Variants in TCEA3 observed in about 807,000 individuals in gnomAD.
TCEA3 encodes transcription elongation factor A3.
Under a neutral mutation model 44.0 loss-of-function variants are expected in TCEA3, and 36 were observed. The ratio of observed to expected loss-of-function variants is 0.82; its 90% confidence interval spans 0.63 to 1.08. The LOEUF is 1.08. Ranked by LOEUF, TCEA3 falls within the 50% of genes least tolerant of loss-of-function variation. The pLI is 0.00. For missense variants in TCEA3, 392 were observed against 441.2 expected, an observed-to-expected ratio of 0.89 and a Z score of 1.00; for synonymous variants, 162 against 159.7, an observed-to-expected ratio of 1.01 and a Z score of -0.11.
chr1:23,417,881 A>G (rs368454305), intron 3 of TCEA3, 23 bp downstream of exon 3: 117 of 1,611,118 alleles, frequency 7.3e-5, no homozygotes, highest in Non-Finnish European at 9.6e-5. Context: ...AACAGGGCTC[A>G]AGACAACCTT....
intron 4 of TCEA3, among the ~76,000 whole-genome samples, chr1:23,409,624 T>C (rs1639653582): frequency 6.6e-6 from 1 of 152,102 alleles, no homozygotes; most frequent in Admixed American, 6.5e-5. Context: ...GGCGGCTCAC[T>C]GCGACCTCCA....
chr1:23,424,169 C>T (rs1451346771), intron 1 of TCEA3, among the ~76,000 whole-genome samples: 1 of 151,852 alleles, frequency 6.6e-6, no homozygotes, highest in African/African-American at 2.4e-5. Context: ...GCCCCCCGCC[C>T]CGCCCCCGCC....
At chr1:23,419,407 C>A (rs761223828) in intron 1 of TCEA3, 3 of 347,150 alleles carry the variant, frequency 8.6e-6, no homozygotes, top group African/African-American at 2.1e-5. Flanking sequence ...CCCAGGAATG[C>A]CCTCCCCCTT....
At chr1:23,403,190 GAGCCCCAA>G (rs1161785856) in intron 5 of TCEA3, among the ~76,000 whole-genome samples, 2 of 152,222 alleles carry the variant, frequency 1.3e-5, no homozygotes, top group African/African-American at 4.8e-5. Flanking sequence ...TGCTTTGAAG[GAGCCCCAA>G]CGAATGACAG....
At chr1:23,387,172 G>A (rs1332516535) in intron 9 of TCEA3, 101 bp downstream of exon 9, 7 of 1,449,770 alleles carry the variant, frequency 4.8e-6, no homozygotes, top group African/African-American at 4.2e-5. Context: ...GAGTTTTAAC[G>A]CTTTCTCCCC....
intron 4 of TCEA3, among the ~76,000 whole-genome samples, chr1:23,412,980 T>A (rs773411067): frequency 1.3e-5 from 2 of 152,204 alleles, no homozygotes; most frequent in Non-Finnish European, 2.9e-5. Flanking sequence ...AATGAGGAGA[T>A]ACCTCTCCAT....
At chr1:23,413,585 T>C (rs929780035) in intron 4 of TCEA3, among the ~76,000 whole-genome samples, 1 of 151,864 alleles carries the variant, frequency 6.6e-6, no homozygotes, top group Non-Finnish European at 1.5e-5. Flanking sequence ...AGGTACCCAC[T>C]ACCATGCCCA....
At chr1:23,393,854 C>T (rs765753771) in intron 8 of TCEA3, 25 bp downstream of exon 8, 18 of 1,608,830 alleles carry the variant, frequency 1.1e-5, no homozygotes, top group East Asian at 6.7e-5. Context: ...CTTCCTGCCT[C>T]ACCATGCAGA....
At chr1:23,404,119 C>G (rs1462844777) in intron 5 of TCEA3, 4 of 702,362 alleles carry the variant, frequency 5.7e-6, no homozygotes, top group Non-Finnish European at 1.0e-5. Flanking sequence ...CTTCTGTGCG[C>G]CACCTCGAGG....
rs376528900 is a variant in TCEA3, at chr1:23,417,353, T to C, written c.276A>G (p.Glu92=). The change falls in exon 4 of 11, where the codon GAA becomes GAG. Residue 92 remains glutamate, a synonymous_variant. Transcript: ENST00000450454. ...TTTCCTTCTTCTTTGCCTTTTCTCT[T>C]TCCTCTCCTTTTTCTCCTTTTGGGG... ...PGPPKGEKGE[E]REKAKKKEKG... is the part of the protein sequence containing the mutation. 1 of 1,613,890 alleles carries C rather than the reference T, an allele frequency of 6.2e-7. No homozygotes were observed. The highest frequency in any genetic ancestry group is 1.3e-5 in the African/African-American group (1 of 74,910).
rs553034458 is a variant in TCEA3, at chr1:23,392,438, CATGCACA to C, written c.819+1434_819+1440del. Among the ~76,000 whole-genome samples, 94 of 36,786 alleles carry C rather than the reference CATGCACA, an allele frequency of 2.6e-3. 1 individual carries two copies. The highest frequency in any genetic ancestry group is 0.012 in the African/African-American group (45 of 3,784). The allele number at this position is 36,786 out of a possible 152,430, so 24.1% of individuals were successfully genotyped here. Reference sequence around the variant, plus strand: ...CACAATACACACACACTCCACACATCATGCACAATACACACACACTCCACACATCATA... The same window carrying C: ...CACAATACACACACACTCCACACATCATACACACACACTCCACACATCATA... On this transcript the variant is annotated intron_variant, in intron 8 of 10. Transcript: ENST00000450454.
chr1:23,408,727 C>G lies in TCEA3; in HGVS notation c.381-1G>C. ...AGACTTGGAGTCCACAGAGTCTCTCCTGAAAGAAGAAAATTGGCAAGGAGA... is the reference window on the plus strand; with the variant it reads ...AGACTTGGAGTCCACAGAGTCTCTCGTGAAAGAAGAAAATTGGCAAGGAGA... On this transcript the variant is annotated splice_acceptor_variant, in intron 4 of 10. Transcript: ENST00000450454. LOFTEE classifies it high-confidence loss of function. 6.2e-7 allele frequency: 1 copy of G among 1,605,970 alleles called. No homozygotes were observed. The highest frequency in any genetic ancestry group is 8.5e-7 in the Non-Finnish European group (1 of 1,176,228).
intron 8 of TCEA3, among the ~76,000 whole-genome samples, chr1:23,388,470 A>G (rs1160668785): frequency 6.6e-6 from 1 of 152,160 alleles, no homozygotes; most frequent in African/African-American, 2.4e-5. Context: ...TGCTGGGATT[A>G]CAGGTATGAA....
At chr1:23,391,117 TG>T (rs1475672175) in intron 8 of TCEA3, among the ~76,000 whole-genome samples, 1 of 149,796 alleles carries the variant, frequency 6.7e-6, no homozygotes, top group Non-Finnish European at 1.5e-5. Flanking sequence ...AAGATTTTTC[TG>T]TTTTTTTTTC....
intron 7 of TCEA3, among the ~76,000 whole-genome samples, chr1:23,397,018 A>G (rs1429683691): frequency 6.6e-6 from 1 of 151,984 alleles, no homozygotes; most frequent in Non-Finnish European, 1.5e-5. Flanking sequence ...AAAAAAAAAA[A>G]AAAAAAAAAG....
At chr1:23,404,451 T>A (rs987277857) in intron 5 of TCEA3, among the ~76,000 whole-genome samples, 1 of 152,066 alleles carries the variant, frequency 6.6e-6, no homozygotes, top group African/African-American at 2.4e-5. Context: ...TATTGAGACA[T>A]GCTTCCTATG....
intron 1 of TCEA3, among the ~76,000 whole-genome samples, chr1:23,421,596 G>T (rs1640068801): frequency 1.3e-5 from 2 of 152,034 alleles, no homozygotes; most frequent in Admixed American, 6.6e-5. Flanking sequence ...TGCTGTCACT[G>T]AACTGAAGGA....
At chr1:23,392,213 C>T (rs1449505124) in intron 8 of TCEA3, among the ~76,000 whole-genome samples, 1 of 150,054 alleles carries the variant, frequency 6.7e-6, no homozygotes, top group Non-Finnish European at 1.5e-5. Context: ...GAACCCTCTC[C>T]TCAGAAGAAT....
chr1:23,392,445 A>AAAACACACTCCACACATC (rs1639072251), intron 8 of TCEA3, among the ~76,000 whole-genome samples: 5 of 274 alleles, frequency 0.018, no homozygotes, highest in East Asian at 0.12. Flanking sequence ...CATCATGCAC[A>AAAACACACTCCACACATC]ATACACACAC....
Sources: allele counts gnomAD v4.1 joint callset (sites outside exome capture counted in the v4.1 genomes callset), GRCh38; gene constraint gnomAD v4.1.1; transcripts MANE v1.5; gene names NCBI Gene and HGNC (gene_info 2026-07-23, HGNC 2026-07-21).